EXT1: variants seen among roughly 807,000 people sequenced by gnomAD.
EXT1 encodes exostosin glycosyltransferase 1.
In EXT1, 20 loss-of-function variants were observed where a neutral mutation model predicts 82.5. The observed-to-expected ratio is 0.24, with a 90% CI of 0.17 to 0.35. The LOEUF is 0.35. Among genes scored for constraint, EXT1 ranks in the 10% least tolerant of loss-of-function variants. EXT1 has a pLI of 1.00. For missense variants in EXT1, 757 were observed against 936.5 expected, an observed-to-expected ratio of 0.81 and a Z score of 2.50; for synonymous variants, 348 against 350.8, an observed-to-expected ratio of 0.99 and a Z score of 0.09.
chr8:117,898,817 C>T (rs549469587), intron 1 of EXT1, among the ~76,000 whole-genome samples: 6 of 147,352 alleles, frequency 4.1e-5, no homozygotes, highest in South Asian at 2.1e-4. Context: ...TAAACCCAGA[C>T]GGCAGGAAAA....
chr8:117,869,843 T>C (rs575566712), intron 1 of EXT1, among the ~76,000 whole-genome samples: 48 of 152,170 alleles, frequency 3.2e-4, no homozygotes, highest in Admixed American at 4.6e-4. Flanking sequence ...TATATCTCCT[T>C]GAAATAAGGT....
intron 1 of EXT1, among the ~76,000 whole-genome samples, chr8:117,858,765 G>GC (rs1471461893): frequency 0.033 from 3,205 of 97,098 alleles, 68 homozygotes; most frequent in African/African-American, 0.041. Context: ...AGGAAGGAAG[G>GC]AAGGCAGGCA....
At chr8:118,101,621 G>A (rs1422539651) in intron 1 of EXT1, among the ~76,000 whole-genome samples, 1 of 152,232 alleles carries the variant, frequency 6.6e-6, no homozygotes, top group Non-Finnish European at 1.5e-5. Context: ...TGCTTGGAGT[G>A]AAGTCTAGGG....
intron 1 of EXT1, among the ~76,000 whole-genome samples, chr8:117,969,486 G>A (rs1190220345): frequency 6.6e-6 from 1 of 152,196 alleles, no homozygotes; most frequent in African/African-American, 2.4e-5. Flanking sequence ...ATTGATCCCA[G>A]AGACGCAAAT....
At chr8:117,846,460 A>C (rs890718333) in intron 1 of EXT1, among the ~76,000 whole-genome samples, 2 of 152,210 alleles carry the variant, frequency 1.3e-5, no homozygotes, top group African/African-American at 4.8e-5. Context: ...TTCTCAGAGA[A>C]ATGCAATTCC....
At chr8:117,835,318 A>C in intron 3 of EXT1, 126 bp downstream of exon 3, 1 of 733,612 alleles carries the variant, frequency 1.4e-6, no homozygotes, top group Non-Finnish European at 2.5e-6. Flanking sequence ...TCACCATGAC[A>C]CAGGTAATTT....
chr8:118,020,702 G>A lies in EXT1; in HGVS notation c.962+89383C>T, dbSNP rs745686254. 3.3e-5 allele frequency among the ~76,000 whole-genome samples: 5 copies of A among 152,300 alleles called. No homozygotes were observed. The South Asian group carries it at 1.0e-3, about 32-fold the overall frequency. ...TACATTATGGGTTAGCACGGATGAA[G>A]GAGAGGAGATCTCAGAGTCACAGAG... On this transcript the variant is annotated intron_variant, in intron 1 of 10. Coordinates refer to ENST00000378204, the MANE Select transcript of EXT1 (RefSeq NM_000127.3).
intron 1 of EXT1, among the ~76,000 whole-genome samples, chr8:117,881,594 G>A (rs959017990): frequency 6.6e-6 from 1 of 152,140 alleles, no homozygotes; most frequent in African/African-American, 2.4e-5. Context: ...CAGGACTAAG[G>A]CCAATTGTAA....
chr8:117,913,868 T>C (rs1189619957), intron 1 of EXT1, among the ~76,000 whole-genome samples: 2 of 152,146 alleles, frequency 1.3e-5, no homozygotes, highest in African/African-American at 4.8e-5. Flanking sequence ...GACTCAGAGG[T>C]TAAATAAAGC....
chr8:117,947,206 G>C (rs1392577310), intron 1 of EXT1, among the ~76,000 whole-genome samples: 1 of 152,168 alleles, frequency 6.6e-6, no homozygotes, highest in Non-Finnish European at 1.5e-5. Flanking sequence ...CCCAGCTACA[G>C]ACAGGTAAAA....
intron 1 of EXT1, among the ~76,000 whole-genome samples, chr8:117,969,067 G>A (rs1185210244): frequency 6.6e-6 from 1 of 151,968 alleles, no homozygotes; most frequent in African/African-American, 2.4e-5. Flanking sequence ...AGACTTTTAC[G>A]AATGAAATAA....
chr8:117,994,350 A>G (rs1489765006), intron 1 of EXT1, among the ~76,000 whole-genome samples: 2 of 152,178 alleles, frequency 1.3e-5, no homozygotes, highest in Non-Finnish European at 2.9e-5. Flanking sequence ...AGTTGCTCAC[A>G]CCTGTAATCC....
intron 1 of EXT1, among the ~76,000 whole-genome samples, chr8:117,964,446 A>G (rs1181728125): frequency 1.3e-5 from 2 of 152,182 alleles, no homozygotes; most frequent in Non-Finnish European, 2.9e-5. Flanking sequence ...ACAGAGGTTA[A>G]TTAAATCACC....
intron 1 of EXT1, among the ~76,000 whole-genome samples, chr8:118,059,092 A>G (rs938704383): frequency 6.6e-5 from 10 of 152,234 alleles, no homozygotes; most frequent in Non-Finnish European, 2.9e-5. Context: ...AGGACCCTAA[A>G]CAGAAATACA....
At chr8:117,991,015 T>C (rs948620573) in intron 1 of EXT1, among the ~76,000 whole-genome samples, 2 of 152,076 alleles carry the variant, frequency 1.3e-5, no homozygotes, top group East Asian at 1.9e-4. Flanking sequence ...TGTTTACAGA[T>C]GAGAAAAACA....
chr8:117,890,578 G>A (rs1813225906), intron 1 of EXT1, among the ~76,000 whole-genome samples: 1 of 152,196 alleles, frequency 6.6e-6, no homozygotes. Flanking sequence ...CACCTTGAGA[G>A]TTCAATAAAG....
chr8:118,061,894 C>T (rs1365428082), intron 1 of EXT1, among the ~76,000 whole-genome samples: 2 of 152,154 alleles, frequency 1.3e-5, no homozygotes, highest in African/African-American at 2.4e-5. Context: ...ACACTATCTC[C>T]GTTTTACAGA....
rs574598037 is a variant in EXT1 at position 117,825,120 on chromosome 8, C to T, written c.1285-2523G>A. ...CTCCTGAGCTCAAGCAATCCTTTCT[C>T]CCCGGCCTCCCAAAGTGTTGGGACT... is the stretch of plus-strand genomic sequence containing the variant. On this transcript the variant is annotated intron_variant, in intron 4 of 10. Transcript: ENST00000378204. Among the ~76,000 whole-genome samples the T allele has an allele frequency of 5.9e-5, 9 of 152,258 alleles. No homozygotes were observed. The South Asian group carries it at 1.0e-3, about 18-fold the overall frequency.
rs367826358 is a variant in EXT1, at chr8:118,096,169, A to T, written c.962+13916T>A. On this transcript the variant is annotated intron_variant, in intron 1 of 10. Transcript: ENST00000378204. ...AGAAAAACTACAATTAAAGGGGGGG[A>T]AGTTTCAATATCTACAGACTGTTAA... Among the ~76,000 whole-genome samples, 15 of 152,224 alleles carry T rather than the reference A, an allele frequency of 9.9e-5. No individual in the cohort carries two copies. The East Asian group carries it at 2.7e-3, about 27-fold the overall frequency.
Sources: gnomAD v4.1 joint callset for allele counts (sites outside exome capture counted in the v4.1 genomes callset) on GRCh38, gnomAD v4.1.1 for gene constraint, MANE v1.5 for transcripts, NCBI Gene and HGNC (gene_info 2026-07-23, HGNC 2026-07-21) for gene names.